Variants in FOXO3B observed in about 807,000 individuals in gnomAD.
The protein encoded by FOXO3B is forkhead box O3B, also known as forkhead box protein O3B.
Under a neutral mutation model 21.9 loss-of-function variants are expected in FOXO3B, and 15 were observed. The ratio of observed to expected loss-of-function variants is 0.68; its 90% CI spans 0.46 to 1.05. FOXO3B has a LOEUF of 1.05. FOXO3B is among the 50% of genes least tolerant of loss of function. The pLI is 0.00. For synonymous variants in FOXO3B, 135 were observed against 213.6 expected (o/e 0.63, Z 3.21); for missense variants, 293 against 435.5 (o/e 0.67, Z 2.91).
Position 18,681,679 on chromosome 17 carries a change from A to G in FOXO3B, c.-28T>C. 1 of 758,846 alleles carries G rather than the reference A, an allele frequency of 1.3e-6. No individual in the cohort carries two copies. The highest frequency in any genetic ancestry group is 2.2e-6 in the Non-Finnish European group (1 of 446,698). 47.0% of individuals were successfully genotyped at this position (758,846 alleles called of 1,614,324 possible). A position where few individuals can be genotyped will look rare whatever the true frequency, so the allele number is the denominator to read the frequency against. On this transcript the variant is annotated 5_prime_UTR_variant, in exon 2 of 4. Transcript: ENST00000395675. ...TCACCACCTCCTCCTTGTTCTGGAG[A>G]TTCTGCTCTTCACCCCAATTCAGAT...
At chr17:18,675,455 G>A (rs939512106) in intron 3 of FOXO3B, among the ~76,000 whole-genome samples, 1 of 152,100 alleles carries the variant, frequency 6.6e-6, no homozygotes, top group African/African-American at 2.4e-5. Flanking sequence ...GTAAGTCACA[G>A]AAACTGATAG....
In FOXO3B at chr17:18,673,016, G is replaced by A. The variant is rs950127594; in HGVS notation, c.166C>T (p.Arg56Cys). ...AGCGGGGGAGGGACGTGGACGCCGC[G>A]AAGGCTCCGGCTCCCGGGCGCCGCC... ...AAAAPGSRSL[R>C]GVHVPPPLHP... is the part of the protein sequence containing the mutation. The change falls in exon 4 of 4, where the codon CGC (arginine) becomes TGC (cysteine). Residue 56 changes from arginine to cysteine, a missense_variant. Physicochemically the swap from Arg to Cys is radical, Grantham distance 180. Transcript: ENST00000395675. 8.2e-6 allele frequency: 12 copies of A among 1,463,906 alleles called. No homozygotes were observed. In the African/African-American group the frequency reaches 1.4e-4, roughly 17 times the overall value. The allele number at this position is 1,463,906 out of a possible 1,614,324, so 90.7% of individuals were successfully genotyped here.
chr17:18,676,401 A>G (rs987067420), intron 3 of FOXO3B, among the ~76,000 whole-genome samples: 1 of 152,220 alleles, frequency 6.6e-6, no homozygotes, highest in African/African-American at 2.4e-5. Flanking sequence ...ACTAATGGCA[A>G]AAAAATAAAC....
intron 3 of FOXO3B, among the ~76,000 whole-genome samples, chr17:18,676,564 A>G (rs1362689671): frequency 6.6e-6 from 1 of 152,260 alleles, no homozygotes; most frequent in African/African-American, 2.4e-5. Context: ...TAAAACATAC[A>G]GATTGTTTTA....
At position 18,670,819 on chromosome 17, in the gene FOXO3B, A is replaced by G. The variant is rs1419193572; in HGVS notation, c.*1490T>C. 17 of 1,385,158 alleles carry G rather than the reference A, an allele frequency of 1.2e-5. No homozygotes were observed. Among genetic ancestry groups the G allele is most frequent in the Non-Finnish European group, 1.6e-5 (16 of 1,000,834 alleles). The allele number at this position is 1,385,158 out of a possible 1,614,324, so 85.8% of individuals were successfully genotyped here. A position where few individuals can be genotyped will look rare whatever the true frequency, so the allele number is the denominator to read the frequency against. On this transcript the variant is annotated 3_prime_UTR_variant, in exon 4 of 4. Coordinates refer to ENST00000395675, the MANE Select transcript of FOXO3B (RefSeq NM_001368135.1). ...ACGGTATCACTGTCCACTTGCTGAG[A>G]GCAGATTTGGCAAAGGGTTTTCTCT...
At chr17:18,674,642 G>GC (rs373185153) in intron 3 of FOXO3B, among the ~76,000 whole-genome samples, 1 of 146,220 alleles carries the variant, frequency 6.8e-6, no homozygotes, top group African/African-American at 2.6e-5. Context: ...AAAAAAAAGG[G>GC]GGGGGGGAGA....
In FOXO3B at chr17:18,672,637, G is replaced by A. The variant is rs1341637677; in HGVS notation, c.545C>T (p.Ser182Leu). 10 of 1,467,086 alleles carry A rather than the reference G, an allele frequency of 6.8e-6. No homozygotes were observed. The highest frequency in any genetic ancestry group is 4.5e-6 in the Non-Finnish European group (5 of 1,119,706). The allele number at this position is 1,467,086 out of a possible 1,614,324, so 90.9% of individuals were successfully genotyped here. A position where few individuals can be genotyped will look rare whatever the true frequency, so the allele number is the denominator to read the frequency against. ...CCCTCCGGGTGCCAGCACCCGGACC[G>A]AGTCCTCAAGGAGCAGCCCGGAGAC... ...TLVSGLLLED[S>L]VRVLAPGGQD... Residue 182 changes from serine (S) to leucine (L), a missense_variant, in exon 4 of 4, where the codon TCG becomes TTG. Coordinates refer to ENST00000395675, the MANE Select transcript of FOXO3B (RefSeq NM_001368135.1). This position sits in a 1 kb window ranked among gnomAD's most constrained non-coding sequence, Gnocchi z 4.2.
In FOXO3B at chr17:18,672,619, G is replaced by C. The variant is rs1309288604; in HGVS notation, c.563C>G (p.Pro188Arg). ...CCCAGACCCGGGGTCTTGCCCTCCGGGTGCCAGCACCCGGACCGAGTCCTC... is the reference window on the plus strand; with the variant it reads ...CCCAGACCCGGGGTCTTGCCCTCCGCGTGCCAGCACCCGGACCGAGTCCTC... The part of the protein sequence containing the change: ...LLEDSVRVLA[P>R]GGQDPGSGPA... The change falls in exon 4 of 4, where the codon CCC becomes CGC. Residue 188 changes from proline (P) to arginine (R), a missense_variant. Pro to Arg is a moderately radical substitution (Grantham distance 103). Transcript: ENST00000395675. The surrounding 1 kb of genome is among the most constrained non-coding windows in gnomAD (Gnocchi z 4.2). 1.4e-6 allele frequency: 2 copies of C among 1,442,284 alleles called. No homozygotes were observed. Among genetic ancestry groups the C allele is most frequent in the Non-Finnish European group, 1.8e-6 (2 of 1,109,058 alleles). 89.3% of individuals were successfully genotyped at this position (1,442,284 alleles called of 1,614,324 possible).
chr17:18,677,586 A>G (rs183091998), intron 3 of FOXO3B: 42,232 of 1,521,104 alleles, frequency 0.028, 2,488 homozygotes, highest in African/African-American at 0.12. Context: ...CGGCAGGGCC[A>G]AAGCCGGGCG....
intron 2 of FOXO3B, 56 bp from the exon 3 acceptor site, chr17:18,680,885 T>C: frequency 6.5e-7 from 1 of 1,542,008 alleles, no homozygotes; most frequent in Non-Finnish European, 8.9e-7. Flanking sequence ...CACTCAGATT[T>C]AAAGTCTAAA....
At chr17:18,674,643 G>GGGT (rs2032450311) in intron 3 of FOXO3B, among the ~76,000 whole-genome samples, 3 of 142,724 alleles carry the variant, frequency 2.1e-5, no homozygotes, top group Admixed American at 6.9e-5. Flanking sequence ...AAAAAAAGGG[G>GGGT]GGGGGGAGAT....
chr17:18,679,482 C>T (rs2151737293), intron 3 of FOXO3B, among the ~76,000 whole-genome samples: 1 of 147,290 alleles, frequency 6.8e-6, no homozygotes, highest in East Asian at 2.0e-4. Flanking sequence ...GACAGTTTCA[C>T]TCTCACCCAG....
chr17:18,672,163 T>A lies in FOXO3B; in HGVS notation c.*146A>T, dbSNP rs1163785056. The A allele has an allele frequency of 8.6e-5, 138 of 1,612,726 alleles. 1 individual carries two copies. The highest frequency in any genetic ancestry group is 1.1e-4 in the Non-Finnish European group (128 of 1,179,346). On this transcript the variant is annotated 3_prime_UTR_variant, in exon 4 of 4. Coordinates refer to ENST00000395675, the MANE Select transcript of FOXO3B (RefSeq NM_001368135.1). The surrounding 1 kb of genome is among the most constrained non-coding windows in gnomAD (Gnocchi z 4.2). The stretch of plus-strand genomic sequence containing the variant: ...GCTCTTGGTATACTTGTTGCTATTG[T>A]CCATGGAGACAGCCCGCCGCCGGGG...
At chr17:18,677,972 A>G (rs1203788546) in intron 3 of FOXO3B, among the ~76,000 whole-genome samples, 2 of 151,868 alleles carry the variant, frequency 1.3e-5, no homozygotes, top group Non-Finnish European at 2.9e-5. Flanking sequence ...AATAATATGT[A>G]AAAATCACTA....
intron 3 of FOXO3B, among the ~76,000 whole-genome samples, chr17:18,674,551 A>G (rs915081542): frequency 1.9e-4 from 28 of 146,962 alleles, no homozygotes; most frequent in African/African-American, 3.0e-4. Context: ...GCGTGAACCC[A>G]GGAGGCAGAG....
rs2032365275 is a variant in FOXO3B, at chr17:18,671,632, T to C, written c.*677A>G. 1.9e-6 allele frequency: 3 copies of C among 1,613,838 alleles called. No homozygotes were observed. Among genetic ancestry groups the C allele is most frequent in the South Asian group, 2.2e-5 (2 of 91,088 alleles). ...AGAGATGAAGGTCCAAACACCGTGC[T>C]GTTAAAGGAGCTGGTTGGGGAGCTC... On this transcript the variant is annotated 3_prime_UTR_variant, in exon 4 of 4. Transcript: ENST00000395675.
rs955979695 is a variant in FOXO3B, at chr17:18,670,647, C to A, written c.*1662G>T. The stretch of plus-strand genomic sequence containing the variant: ...AGGGGTGCTGTCCTCCACTGGCAGG[C>A]GGCTCACCACCCTGTACAAAGAAGA... On this transcript the variant is annotated 3_prime_UTR_variant, in exon 4 of 4. Transcript: ENST00000395675. Among the ~76,000 whole-genome samples the A allele has an allele frequency of 6.6e-6, 1 of 152,140 alleles. No homozygotes were observed. Among genetic ancestry groups the A allele is most frequent in the Non-Finnish European group, 1.5e-5 (1 of 68,030 alleles).
rs1238343513 is a variant in FOXO3B at position 18,668,944 on chromosome 17, T to C, written c.*3365A>G. 1 of 152,426 alleles carries C rather than the reference T, an allele frequency of 6.6e-6. No individual in the cohort carries two copies. 9.4% of individuals were successfully genotyped at this position (152,426 alleles called of 1,614,324 possible). A position where few individuals can be genotyped will look rare whatever the true frequency, so the allele number is the denominator to read the frequency against. On this transcript the variant is annotated 3_prime_UTR_variant, in exon 4 of 4. Transcript: ENST00000395675. ...GAATAGAATACATACTTTAAAAAAT[T>C]ATACATACTTTAAAAATGAAGATTA...
rs1209603895 is a variant in FOXO3B, at chr17:18,672,596, C to T, written c.586G>A (p.Gly196Arg). 29 of 1,436,856 alleles carry T rather than the reference C, an allele frequency of 2.0e-5. No homozygotes were observed. The highest frequency in any genetic ancestry group is 2.5e-5 in the Non-Finnish European group (28 of 1,105,428). The allele number at this position is 1,436,856 out of a possible 1,614,324, so 89.0% of individuals were successfully genotyped here. ...LAPGGQDPGS[G>R]PATAAGGLSG... ...AGCCCGCCCGCCGCGGTGGCTGGCC[C>T]AGACCCGGGGTCTTGCCCTCCGGGT... The change falls in exon 4 of 4, where the codon GGG becomes AGG. Residue 196 changes from glycine (G) to arginine (R), a missense_variant. By Grantham distance (125) the Gly-to-Arg change is moderately radical. Transcript: ENST00000395675. The surrounding 1 kb of genome is among the most constrained non-coding windows in gnomAD (Gnocchi z 4.2).
Sources: allele counts gnomAD v4.1 joint callset (sites outside exome capture counted in the v4.1 genomes callset), GRCh38; gene constraint gnomAD v4.1.1; non-coding constraint Gnocchi (gnomAD v3.1); transcripts MANE v1.5; gene names NCBI Gene and HGNC (gene_info 2026-07-23, HGNC 2026-07-21).